GBE1: variants seen among roughly 807,000 people sequenced by gnomAD.
GBE1 encodes 1,4-alpha-glucan branching enzyme 1.
Under a neutral mutation model 88.8 loss-of-function variants are expected in GBE1, and 70 were observed. The ratio of observed to expected loss-of-function variants is 0.79; its 90% CI spans 0.65 to 0.96. GBE1 has a LOEUF of 0.96. Among genes scored for constraint, GBE1 ranks in the 40% least tolerant of loss-of-function variants. The pLI is 0.00. For synonymous variants in GBE1, 284 were observed against 300.1 expected (o/e 0.95, Z 0.56); for missense variants, 872 against 871.0 (o/e 1.00, Z -0.01).
At chr3:81,672,995 G>T (rs1315811058) in intron 2 of GBE1, among the ~76,000 whole-genome samples, 1 of 151,844 alleles carries the variant, frequency 6.6e-6, no homozygotes, top group African/African-American at 2.4e-5. Context: ...TCTCCATCAT[G>T]AAGACAACCT....
At chr3:81,573,753 T>TTCTC (rs1236091754) in intron 12 of GBE1, among the ~76,000 whole-genome samples, 36 of 137,332 alleles carry the variant, frequency 2.6e-4, no homozygotes, top group African/African-American at 7.6e-4. Flanking sequence ...TCAATTTGCC[T>TTCTC]TCTCTCTCTC....
intron 7 of GBE1, among the ~76,000 whole-genome samples, chr3:81,600,129 T>C (rs547617235): frequency 6.6e-5 from 10 of 152,138 alleles, no homozygotes; most frequent in Non-Finnish European, 1.3e-4. Context: ...GGCATGGTGG[T>C]GCATGCCTGT....
chr3:81,720,338 GTGTA>G (rs1158063237), intron 1 of GBE1, among the ~76,000 whole-genome samples: 7 of 145,136 alleles, frequency 4.8e-5, no homozygotes, highest in East Asian at 4.0e-4. Flanking sequence ...CACACTGTGT[GTGTA>G]TGTGTATGTG....
chr3:81,740,061 C>A (rs899340571), intron 1 of GBE1, among the ~76,000 whole-genome samples: 1 of 151,952 alleles, frequency 6.6e-6, no homozygotes, highest in African/African-American at 2.4e-5. Flanking sequence ...CCCATCTCTA[C>A]AAAAAATTTA....
At position 81,563,507 on chromosome 3, in the gene GBE1, T is replaced by C. The variant is rs146754270; in HGVS notation, c.1618+14418A>G. ...AATCGAGGGAAGGCTTAATTGAAGATGTAACACCAAATTACAGACTCAAGG... is the reference window on the plus strand; with the variant it reads ...AATCGAGGGAAGGCTTAATTGAAGACGTAACACCAAATTACAGACTCAAGG... On this transcript the variant is annotated intron_variant, in intron 12 of 15. Coordinates refer to ENST00000429644, the MANE Select transcript of GBE1 (RefSeq NM_000158.4). Among the ~76,000 whole-genome samples the C allele has an allele frequency of 3.6e-4, 55 of 152,222 alleles. 1 individual carries two copies. The highest frequency in any genetic ancestry group is 1.0e-3 in the African/African-American group (43 of 41,558).
At chr3:81,533,310 C>T (rs567300921) in intron 14 of GBE1, among the ~76,000 whole-genome samples, 7 of 152,178 alleles carry the variant, frequency 4.6e-5, no homozygotes, top group African/African-American at 1.4e-4. Context: ...CAGAATAGTA[C>T]TGTACTTCTT....
intron 1 of GBE1, among the ~76,000 whole-genome samples, chr3:81,723,674 CAATA>C (rs1384853963): frequency 6.6e-6 from 1 of 152,158 alleles, no homozygotes; most frequent in Non-Finnish European, 1.5e-5. Context: ...CGCTCACAAA[CAATA>C]AATACTAAAA....
chr3:81,636,566 T>C (rs1490884966), intron 7 of GBE1, among the ~76,000 whole-genome samples: 1 of 151,844 alleles, frequency 6.6e-6, no homozygotes, highest in Non-Finnish European at 1.5e-5. Context: ...ATTTTGCTCT[T>C]GTTGTCCAGG....
At chr3:81,654,293 T>C (rs1320946075) in intron 3 of GBE1, among the ~76,000 whole-genome samples, 4 of 151,908 alleles carry the variant, frequency 2.6e-5, no homozygotes, top group Admixed American at 2.0e-4. Context: ...ATACACAATA[T>C]AAAAAACAGT....
chr3:81,505,610 G>C (rs769082153), intron 14 of GBE1, among the ~76,000 whole-genome samples: 4 of 152,086 alleles, frequency 2.6e-5, no homozygotes, highest in Non-Finnish European at 5.9e-5. Flanking sequence ...TCACAGAAAA[G>C]GCTATGAACT....
At chr3:81,671,623 A>G (rs1177804661) in intron 2 of GBE1, among the ~76,000 whole-genome samples, 1 of 152,058 alleles carries the variant, frequency 6.6e-6, no homozygotes, top group African/African-American at 2.4e-5. Flanking sequence ...ATGAAAATAA[A>G]ATAAAATAGA....
At chr3:81,494,802 T>G (rs1702480569) in intron 15 of GBE1, among the ~76,000 whole-genome samples, 1 of 152,202 alleles carries the variant, frequency 6.6e-6, no homozygotes, top group Non-Finnish European at 1.5e-5. Flanking sequence ...ATGACTTAAT[T>G]GACTCACTAA....
intron 1 of GBE1, among the ~76,000 whole-genome samples, chr3:81,740,769 C>T (rs1706338557): frequency 2.0e-5 from 3 of 151,040 alleles, no homozygotes; most frequent in Admixed American, 2.0e-4. Context: ...AGAAAGTGCA[C>T]ACACACACAC....
In GBE1 at chr3:81,580,140, TTAAG is replaced by T. The variant is rs574452845; in HGVS notation, c.1446+1021_1446+1024del. ...GTTTCAATTTTTTAATAAAGATACT[TTAAG>T]TAACTTCAAACATTTTATTGTCTAC... is the stretch of plus-strand genomic sequence containing the variant. On this transcript the variant is annotated intron_variant, in intron 11 of 15. Coordinates refer to ENST00000429644, the MANE Select transcript of GBE1 (RefSeq NM_000158.4). Among the ~76,000 whole-genome samples the T allele has an allele frequency of 6.6e-5, 10 of 152,292 alleles. No individual in the cohort carries two copies. The South Asian group carries it at 1.4e-3, about 22-fold the overall frequency.
At position 81,535,229 on chromosome 3, in the gene GBE1, T is replaced by C. The variant is rs538664529; in HGVS notation, c.1900A>G (p.Thr634Ala). 7 of 1,611,658 alleles carry C rather than the reference T, an allele frequency of 4.3e-6. No homozygotes were observed. The South Asian group carries it at 4.4e-5, about 10-fold the overall frequency. Residue 634 changes from threonine to alanine, a missense_variant, in exon 14 of 16, where the codon ACT becomes GCT. Thr to Ala is a moderately conservative substitution (Grantham distance 58). Coordinates refer to ENST00000429644, the MANE Select transcript of GBE1 (RefSeq NM_000158.4). ...AATGCTGTTCCAACTCGGTAGTCAG[T>C]GTAGCTCTTGCTTGGATGGAAGTTG... ...IFNFHPSKSY[T>A]DYRVGTALPG...
At chr3:81,528,888 G>A (rs1028770389) in intron 14 of GBE1, among the ~76,000 whole-genome samples, 2 of 151,978 alleles carry the variant, frequency 1.3e-5, no homozygotes, top group African/African-American at 4.8e-5. Context: ...CATGTTTATT[G>A]TAGGCAGTAG....
intron 2 of GBE1, among the ~76,000 whole-genome samples, chr3:81,681,467 G>C (rs747994715): frequency 4.6e-5 from 7 of 152,148 alleles, no homozygotes; most frequent in Non-Finnish European, 8.8e-5. Flanking sequence ...TATCCCACCT[G>C]ACCCAGTCCA....
intron 10 of GBE1, 144 bp from the exon 11 acceptor site, chr3:81,581,419 T>C (rs980087343): frequency 1.8e-6 from 1 of 567,510 alleles, no homozygotes; most frequent in Admixed American, 3.8e-5. Flanking sequence ...GTTATCACTG[T>C]TTAAACTTTT....
intron 2 of GBE1, among the ~76,000 whole-genome samples, chr3:81,687,804 A>G (rs1705461408): frequency 6.6e-6 from 1 of 152,232 alleles, no homozygotes; most frequent in African/African-American, 2.4e-5. Flanking sequence ...GAGATCAAGG[A>G]GTCTGGAGTA....
Sources: allele counts gnomAD v4.1 joint callset (sites outside exome capture counted in the v4.1 genomes callset), GRCh38; gene constraint gnomAD v4.1.1; transcripts MANE v1.5; gene names NCBI Gene and HGNC (gene_info 2026-07-23, HGNC 2026-07-21).